BCAS1: variants seen among roughly 807,000 people sequenced by gnomAD.
The protein encoded by BCAS1 is breast carcinoma-amplified sequence 1.
A neutral mutation model predicts 65.4 loss-of-function variants in BCAS1; 46 were observed. The ratio of observed to expected loss-of-function variants is 0.70; its 90% CI spans 0.55 to 0.90. The LOEUF (loss-of-function observed/expected upper bound fraction) is 0.90. Ranked by LOEUF, BCAS1 falls within the 40% of genes least tolerant of loss-of-function variation. The pLI, the probability that BCAS1 is intolerant of heterozygous loss-of-function variation, is 0.00. For missense variants in BCAS1, 793 were observed against 771.2 expected (o/e 1.03, Z -0.33); for synonymous variants, 298 against 293.5 (o/e 1.02, Z -0.16).
intron 7 of BCAS1, among the ~76,000 whole-genome samples, chr20:53,991,201 G>A (rs1026605821): frequency 1.3e-5 from 2 of 152,138 alleles, no homozygotes; most frequent in African/African-American, 2.4e-5. Flanking sequence ...GATCTATGAC[G>A]CGTTTCACCA....
Position 54,028,796 on chromosome 20 carries a change from T to C in BCAS1, c.319A>G (p.Thr107Ala), listed in dbSNP as rs570638388. ...GATGAATCTGCGGCTTGGTCTCCGG[T>C]ACGTCCTGGTACAGGCCGAGAGAGC... is the stretch of plus-strand genomic sequence containing the variant. ...LMLSRPVPGRTGDQAADSSLG... is the reference protein window; with the variant it reads ...LMLSRPVPGRAGDQAADSSLG... Residue 107 changes from threonine (T) to alanine (A), a missense_variant, in exon 4 of 13, where the codon ACC (threonine) becomes GCC (alanine). Transcript: ENST00000688948. The C allele has an allele frequency of 5.0e-6, 8 of 1,614,208 alleles. No individual in the cohort carries two copies. In the African/African-American group the frequency reaches 9.3e-5, roughly 19 times the overall value.
At chr20:54,064,604 G>A (rs779694744) in intron 1 of BCAS1, among the ~76,000 whole-genome samples, 6 of 152,270 alleles carry the variant, frequency 3.9e-5, no homozygotes, top group African/African-American at 9.6e-5. Context: ...ATGCCCCACC[G>A]GAGGTGGGTG....
chr20:54,016,615 C>T (rs780430769), intron 4 of BCAS1, among the ~76,000 whole-genome samples: 23 of 152,124 alleles, frequency 1.5e-4, no homozygotes, highest in Admixed American at 3.3e-4. Flanking sequence ...ACTGCCAAAG[C>T]GCCACGGTGG....
rs1329192638 is a variant in BCAS1 at position 54,070,562 on chromosome 20, T to C, written c.-135A>G. 6.6e-6 allele frequency: 1 copy of C among 152,492 alleles called. No homozygotes were observed. The highest frequency in any genetic ancestry group is 1.9e-4 in the East Asian group (1 of 5,202). 9.4% of individuals were successfully genotyped at this position (152,492 alleles called of 1,614,324 possible). A position where few individuals can be genotyped will look rare whatever the true frequency, so the allele number is the denominator to read the frequency against. On this transcript the variant is annotated 5_prime_UTR_variant, in exon 1 of 13. Coordinates refer to ENST00000688948, the MANE Select transcript of BCAS1 (RefSeq NM_001366298.2). Reference sequence around the variant, plus strand: ...CGGTGGAGCCTGGCTCCCTGCACTTTGCTTCCTTGTGCAGAGCCTGCTGGC... The same window carrying C: ...CGGTGGAGCCTGGCTCCCTGCACTTCGCTTCCTTGTGCAGAGCCTGCTGGC...
intron 4 of BCAS1, among the ~76,000 whole-genome samples, chr20:54,013,757 T>C (rs1297840446): frequency 6.6e-6 from 1 of 152,182 alleles, no homozygotes; most frequent in Non-Finnish European, 1.5e-5. Context: ...TCTGCAGGCA[T>C]TACAAGTGAG....
chr20:54,004,014 T>G lies in BCAS1; in HGVS notation c.724-7964A>C, dbSNP rs192805129. Among the ~76,000 whole-genome samples the G allele has an allele frequency of 2.1e-3, 326 of 152,350 alleles. 1 individual carries two copies. The highest frequency in any genetic ancestry group is 0.01 in the Middle Eastern group (3 of 294). On this transcript the variant is annotated intron_variant, in intron 4 of 12. Transcript: ENST00000688948. ...GAAGGCGATTTTATTTTAGGTGGTA[T>G]GTCCGCGCACACACACAGTTATTCT... is the stretch of plus-strand genomic sequence containing the variant.
intron 2 of BCAS1, 34 bp downstream of exon 2, chr20:54,058,613 T>C (rs1321309489): frequency 2.7e-5 from 41 of 1,534,304 alleles, no homozygotes; most frequent in East Asian, 1.6e-4. Context: ...TTTTTTTTTT[T>C]CTGCTGATGC....
intron 3 of BCAS1, among the ~76,000 whole-genome samples, chr20:54,041,523 G>A (rs998076286): frequency 7.2e-5 from 11 of 152,018 alleles, no homozygotes; most frequent in African/African-American, 2.7e-4. Flanking sequence ...TATGACACTT[G>A]GCTTTCCCTT....
At chr20:53,985,604 T>A in intron 7 of BCAS1, 105 bp from the exon 8 acceptor site, 1 of 971,958 alleles carries the variant, frequency 1.0e-6, no homozygotes, top group Non-Finnish European at 1.5e-6. Flanking sequence ...ATACATAATG[T>A]TAATTTTCTT....
rs572233412 is a variant in BCAS1 at position 53,944,635 on chromosome 20, C to T, written c.*287G>A. The T allele has an allele frequency of 6.0e-4, 214 of 358,496 alleles. 4 individuals are homozygous for T. Among genetic ancestry groups the T allele is most frequent in the South Asian group, 5.0e-3 (163 of 32,618 alleles). 22.2% of individuals were successfully genotyped at this position (358,496 alleles called of 1,614,324 possible). A position where few individuals can be genotyped will look rare whatever the true frequency, so the allele number is the denominator to read the frequency against. On this transcript the variant is annotated 3_prime_UTR_variant, in exon 13 of 13. Coordinates refer to ENST00000688948, the MANE Select transcript of BCAS1 (RefSeq NM_001366298.2). ...CCACTGCCATTTTCATCACTTAACCCGAACACATTCCTCTATTCCCTCCCT... is the reference window on the plus strand; with the variant it reads ...CCACTGCCATTTTCATCACTTAACCTGAACACATTCCTCTATTCCCTCCCT...
intron 4 of BCAS1, among the ~76,000 whole-genome samples, chr20:54,018,678 G>A (rs529858934): frequency 2.0e-5 from 3 of 152,146 alleles, no homozygotes; most frequent in Non-Finnish European, 4.4e-5. Flanking sequence ...CTGCCTGATT[G>A]ACTCTCAGGC....
At chr20:54,041,098 T>C (rs1313329129) in intron 3 of BCAS1, among the ~76,000 whole-genome samples, 1 of 151,368 alleles carries the variant, frequency 6.6e-6, no homozygotes, top group African/African-American at 2.4e-5. Flanking sequence ...TATTGTATGA[T>C]TCCATTTATA....
intron 11 of BCAS1, among the ~76,000 whole-genome samples, chr20:53,956,145 G>A (rs1011093718): frequency 3.3e-5 from 5 of 152,102 alleles, no homozygotes; most frequent in Non-Finnish European, 7.4e-5. Flanking sequence ...CCACCCCAAC[G>A]CATATGTTGA....
At chr20:54,025,772 GCCAC>G (rs386815186) in intron 4 of BCAS1, among the ~76,000 whole-genome samples, 144 of 152,200 alleles carry the variant, frequency 9.5e-4, no homozygotes, top group African/African-American at 3.0e-3. Flanking sequence ...CACCAAGAAA[GCCAC>G]TGATTGAGAA....
At chr20:54,008,828 C>T (rs1490788439) in intron 4 of BCAS1, among the ~76,000 whole-genome samples, 8 of 147,804 alleles carry the variant, frequency 5.4e-5, no homozygotes, top group Non-Finnish European at 1.0e-4. Context: ...TTTTTTGAGA[C>T]GGAGTCTTGC....
At chr20:53,969,152 A>G (rs907184914) in intron 9 of BCAS1, among the ~76,000 whole-genome samples, 1 of 151,676 alleles carries the variant, frequency 6.6e-6, no homozygotes, top group Admixed American at 6.6e-5. Context: ...TCAGTGCCCA[A>G]CATCTCTGTG....
intron 8 of BCAS1, among the ~76,000 whole-genome samples, chr20:53,985,083 C>T (rs575811469): frequency 1.9e-4 from 29 of 152,266 alleles, no homozygotes; most frequent in African/African-American, 5.1e-4. Flanking sequence ...TTCTTCCCCA[C>T]GAAACACATG....
chr20:54,007,664 T>C (rs2091230057), intron 4 of BCAS1, among the ~76,000 whole-genome samples: 1 of 152,192 alleles, frequency 6.6e-6, no homozygotes, highest in African/African-American at 2.4e-5. Context: ...GAGTGAGAGT[T>C]TTATGGCCTT....
At chr20:54,036,247 T>A (rs553421381) in intron 3 of BCAS1, among the ~76,000 whole-genome samples, 1 of 150,908 alleles carries the variant, frequency 6.6e-6, no homozygotes, top group African/African-American at 2.4e-5. Context: ...GTTAAAAAAA[T>A]GCAAAAAGAT....
Sources: allele counts gnomAD v4.1 joint callset (sites outside exome capture counted in the v4.1 genomes callset), GRCh38; gene constraint gnomAD v4.1.1; transcripts MANE v1.5; gene names NCBI Gene and HGNC (gene_info 2026-07-23, HGNC 2026-07-21).